The following AHCYL2 variants were observed in gnomAD, a reference collection of about 807,000 sequenced individuals.
The protein encoded by AHCYL2 is adenosylhomocysteinase like 2.
In AHCYL2, 28 loss-of-function variants were observed where a neutral mutation model predicts 81.4. The observed-to-expected ratio is 0.34, with a 90% confidence interval of 0.25 to 0.47. The LOEUF (loss-of-function observed/expected upper bound fraction) is 0.47. AHCYL2 is among the 20% of genes least tolerant of loss of function. AHCYL2 has a pLI of 1.00. For synonymous variants in AHCYL2, 272 were observed against 290.2 expected (o/e 0.94, Z 0.64); for missense variants, 551 against 785.1 (o/e 0.70, Z 3.56).
chr7:129,374,121 TTTAAA>T (rs1300018361), intron 1 of AHCYL2, among the ~76,000 whole-genome samples: 1 of 152,156 alleles, frequency 6.6e-6, no homozygotes, highest in Non-Finnish European at 1.5e-5. Flanking sequence ...AAAGAGTAAT[TTTAAA>T]TTAAATAAAT....
chr7:129,323,234 C>G (rs559794122), intron 1 of AHCYL2, among the ~76,000 whole-genome samples: 5 of 152,228 alleles, frequency 3.3e-5, no homozygotes, highest in African/African-American at 1.2e-4. Context: ...AAATTTCCCT[C>G]TAAGTGCTGC....
At chr7:129,288,072 G>A (rs1796701040) in intron 1 of AHCYL2, among the ~76,000 whole-genome samples, 1 of 152,114 alleles carries the variant, frequency 6.6e-6, no homozygotes, top group South Asian at 2.1e-4. Flanking sequence ...AAAACCCAAT[G>A]TTCACATTTC....
rs183572319 is a variant in AHCYL2, at chr7:129,368,289, C to T, written c.364-11349C>T. ...AATCAGACACAGAAGGCTTTGAAGC[C>T]GGCCAGTAAGGGGTTGTCAGGCAGT... On this transcript the variant is annotated intron_variant, in intron 1 of 16. Coordinates refer to ENST00000325006, the MANE Select transcript of AHCYL2 (RefSeq NM_015328.4). The surrounding 1 kb of genome is among the most constrained non-coding windows in gnomAD (Gnocchi z 4.4). The T allele has an allele frequency of 3.7e-5, 53 of 1,419,550 alleles. 1 individual carries two copies. Among genetic ancestry groups the T allele is most frequent in the Middle Eastern group, 2.6e-4 (1 of 3,816 alleles). 87.9% of individuals were successfully genotyped at this position (1,419,550 alleles called of 1,614,324 possible).
chr7:129,343,134 T>G (rs1793243945), intron 1 of AHCYL2, among the ~76,000 whole-genome samples: 2 of 152,200 alleles, frequency 1.3e-5, no homozygotes, highest in Non-Finnish European at 2.9e-5. Flanking sequence ...CTTTTTTATT[T>G]AAAATTTTTT....
intron 1 of AHCYL2, among the ~76,000 whole-genome samples, chr7:129,238,338 A>G (rs893902607): frequency 6.6e-6 from 1 of 151,916 alleles, no homozygotes; most frequent in Non-Finnish European, 1.5e-5. Flanking sequence ...GCCTAATGCT[A>G]TTTTTTTTAT....
At chr7:129,424,690 CA>C in intron 13 of AHCYL2, 183 bp from the exon 14 acceptor site, 1 of 617,328 alleles carries the variant, frequency 1.6e-6, no homozygotes, top group Non-Finnish European at 2.9e-6. Flanking sequence ...TCAGATTTTC[CA>C]GAATTTTAGT....
chr7:129,231,018 G>A (rs1794417162), intron 1 of AHCYL2, among the ~76,000 whole-genome samples: 1 of 152,086 alleles, frequency 6.6e-6, no homozygotes, highest in South Asian at 2.1e-4. Context: ...AGATCATGAG[G>A]TCAAGAGATC....
intron 1 of AHCYL2, among the ~76,000 whole-genome samples, chr7:129,319,528 A>G (rs1326785019): frequency 6.6e-6 from 1 of 152,220 alleles, no homozygotes; most frequent in Non-Finnish European, 1.5e-5. Flanking sequence ...ACTCAGAGAT[A>G]CTATTTTGAT....
chr7:129,424,657 A>G (rs1797275988), intron 13 of AHCYL2: 1 of 591,658 alleles, frequency 1.7e-6, no homozygotes, highest in Non-Finnish European at 3.0e-6. Flanking sequence ...ATAATTCCAG[A>G]AATCTTTTAG....
At chr7:129,325,176 G>T (rs1267357957) in intron 1 of AHCYL2, among the ~76,000 whole-genome samples, 1 of 151,610 alleles carries the variant, frequency 6.6e-6, no homozygotes, top group African/African-American at 2.4e-5. Flanking sequence ...TGTGCCTGAG[G>T]GACTTCCTTT....
chr7:129,388,993 T>C (rs1584867293), intron 2 of AHCYL2, 63 bp from the exon 3 acceptor site: 7 of 1,584,594 alleles, frequency 4.4e-6, no homozygotes, highest in East Asian at 2.3e-5. Context: ...GTTTGCTCCA[T>C]GGTTTGGAAT....
chr7:129,312,737 A>G (rs1325838483), intron 1 of AHCYL2, among the ~76,000 whole-genome samples: 3 of 152,138 alleles, frequency 2.0e-5, no homozygotes, highest in Non-Finnish European at 4.4e-5. Context: ...CATATATAAC[A>G]CCATCCACAT....
chr7:129,225,474 G>T, intron 1 of AHCYL2, 35 bp downstream of exon 1: 1 of 1,470,204 alleles, frequency 6.8e-7, no homozygotes, highest in South Asian at 1.3e-5. Context: ...AGGAGAGGAA[G>T]GGAGGGGAGG....
chr7:129,225,555 T>C (rs1336052430), intron 1 of AHCYL2, 116 bp downstream of exon 1: 4 of 1,384,536 alleles, frequency 2.9e-6, no homozygotes, highest in South Asian at 1.6e-5. Context: ...GGACCGGAGA[T>C]ACCCCTTGTC....
intron 1 of AHCYL2, among the ~76,000 whole-genome samples, chr7:129,358,435 A>G (rs1438496747): frequency 1.3e-5 from 2 of 152,142 alleles, no homozygotes; most frequent in Non-Finnish European, 2.9e-5. Context: ...AAATTCTGCC[A>G]TATGCTACAA....
At chr7:129,414,872 G>A (rs745419695) in intron 12 of AHCYL2, among the ~76,000 whole-genome samples, 2 of 152,192 alleles carry the variant, frequency 1.3e-5, no homozygotes, top group Non-Finnish European at 2.9e-5. Flanking sequence ...ACTGAGGGCT[G>A]CTCTGATTGA....
At chr7:129,245,586 A>ATG (rs942867768) in intron 1 of AHCYL2, among the ~76,000 whole-genome samples, 12 of 151,780 alleles carry the variant, frequency 7.9e-5, no homozygotes, top group Non-Finnish European at 1.6e-4. Flanking sequence ...GGTACCTTAT[A>ATG]TAAGTAGACT....
intron 7 of AHCYL2, among the ~76,000 whole-genome samples, chr7:129,404,589 C>T (rs1246752235): frequency 1.3e-5 from 2 of 152,182 alleles, no homozygotes; most frequent in Admixed American, 6.5e-5. Context: ...GCACAAAAAT[C>T]GCTTGAACCC....
intron 1 of AHCYL2, among the ~76,000 whole-genome samples, chr7:129,239,730 A>G (rs190675689): frequency 1.8e-4 from 27 of 152,256 alleles, no homozygotes; most frequent in Admixed American, 4.6e-4. Context: ...AAAATACTCA[A>G]TAGACACAAA....
Sources: allele counts gnomAD v4.1 joint callset (sites outside exome capture counted in the v4.1 genomes callset), GRCh38; gene constraint gnomAD v4.1.1; non-coding constraint Gnocchi (gnomAD v3.1); transcripts MANE v1.5; gene names NCBI Gene and HGNC (gene_info 2026-07-23, HGNC 2026-07-21).